The following CCSER1 variants were observed in gnomAD, a reference collection of about 807,000 sequenced individuals.
CCSER1 encodes coiled-coil serine rich protein 1.
A neutral mutation model predicts 82.0 loss-of-function variants in CCSER1; 41 were observed. The ratio of observed to expected loss-of-function variants is 0.50; its 90% CI spans 0.39 to 0.65. The LOEUF (loss-of-function observed/expected upper bound fraction) is 0.65, where lower values mean the gene tolerates loss of function less well. Ranked by LOEUF, CCSER1 falls within the 30% of genes least tolerant of loss-of-function variation. The probability of loss-of-function intolerance (pLI) is 0.00; values close to 1 mark genes in which losing one functional copy is unlikely to be tolerated. For missense variants in CCSER1, 1,119 were observed against 1,064.2 expected, an observed-to-expected ratio of 1.05 and a Z score of -0.72; for synonymous variants, 414 against 383.9, an observed-to-expected ratio of 1.08 and a Z score of -0.92.
chr4:91,494,407 C>G (rs983063101), intron 10 of CCSER1, among the ~76,000 whole-genome samples: 1 of 151,692 alleles, frequency 6.6e-6, no homozygotes, highest in Non-Finnish European at 1.5e-5. Context: ...GTAATACACA[C>G]GTAGTTTCCA....
intron 1 of CCSER1, among the ~76,000 whole-genome samples, chr4:90,159,095 A>G (rs1180783709): frequency 6.6e-6 from 1 of 152,230 alleles, no homozygotes; most frequent in African/African-American, 2.4e-5. Flanking sequence ...GTGTAGTGGT[A>G]CAATCATAGC....
At chr4:90,613,287 G>GTCTA (rs1206547742) in intron 5 of CCSER1, among the ~76,000 whole-genome samples, 1 of 152,154 alleles carries the variant, frequency 6.6e-6, no homozygotes, top group Non-Finnish European at 1.5e-5. Flanking sequence ...AGAGAACTGA[G>GTCTA]ATAGAAGCAG....
chr4:91,339,031 A>G (rs1747520242), intron 10 of CCSER1, among the ~76,000 whole-genome samples: 1 of 152,174 alleles, frequency 6.6e-6, no homozygotes, highest in Admixed American at 6.5e-5. Flanking sequence ...TTTTAAAACT[A>G]TCTTTTTATT....
chr4:91,246,750 A>G (rs1453153566), intron 10 of CCSER1, among the ~76,000 whole-genome samples: 1 of 152,010 alleles, frequency 6.6e-6, no homozygotes, highest in African/African-American at 2.4e-5. Flanking sequence ...AAAATATCTC[A>G]TGTACCCCAT....
chr4:90,861,923 TA>T (rs1433828669), intron 8 of CCSER1, among the ~76,000 whole-genome samples: 2,080 of 107,436 alleles, frequency 0.019, 63 homozygotes, highest in African/African-American at 0.055. Context: ...TATATATATA[TA>T]TATTTTTTTT....
intron 9 of CCSER1, among the ~76,000 whole-genome samples, chr4:91,003,033 C>CGCT (rs1738178429): frequency 6.6e-6 from 1 of 152,092 alleles, no homozygotes; most frequent in African/African-American, 2.4e-5. Flanking sequence ...GATCTAGCCA[C>CGCT]CCAGTAGGTC....
chr4:90,481,011 T>C (rs1765863906), intron 5 of CCSER1, among the ~76,000 whole-genome samples: 1 of 152,146 alleles, frequency 6.6e-6, no homozygotes, highest in Non-Finnish European at 1.5e-5. Flanking sequence ...TATCCATGAG[T>C]ATGGAATGTT....
At chr4:91,581,265 A>C (rs191255103) in intron 10 of CCSER1, among the ~76,000 whole-genome samples, 60 of 151,864 alleles carry the variant, frequency 4.0e-4, no homozygotes, top group Admixed American at 1.2e-3. Flanking sequence ...ATAAGCAAGC[A>C]CCAGTTGCTG....
At position 91,543,641 on chromosome 4, in the gene CCSER1, C is replaced by T. The variant is rs188263878; in HGVS notation, c.2218-54931C>T. 3.0e-3 allele frequency among the ~76,000 whole-genome samples: 461 copies of T among 152,204 alleles called. 1 individual carries two copies. Among genetic ancestry groups the T allele is most frequent in the South Asian group, 0.012 (59 of 4,812 alleles). On this transcript the variant is annotated intron_variant, in intron 10 of 10. Coordinates refer to ENST00000509176, the MANE Select transcript of CCSER1 (RefSeq NM_001145065.2). The stretch of plus-strand genomic sequence containing the variant: ...TTGAATATTGGCCCCCACTCTCTTC[C>T]GGCTTGTAGAGTTTCTACCCAGAGA...
At chr4:91,365,943 A>C (rs1248514836) in intron 10 of CCSER1, among the ~76,000 whole-genome samples, 1 of 152,158 alleles carries the variant, frequency 6.6e-6, no homozygotes, top group Non-Finnish European at 1.5e-5. Flanking sequence ...GAGTACAATA[A>C]ATCTTTATGT....
intron 1 of CCSER1, among the ~76,000 whole-genome samples, chr4:90,158,981 G>A (rs2153364119): frequency 6.6e-6 from 1 of 152,106 alleles, no homozygotes; most frequent in South Asian, 2.1e-4. Flanking sequence ...ACTCACACTG[G>A]GAGCTGTAGA....
chr4:90,426,604 A>C (rs1757560481), intron 4 of CCSER1, among the ~76,000 whole-genome samples: 1 of 152,160 alleles, frequency 6.6e-6, no homozygotes, highest in Admixed American at 6.6e-5. Context: ...TTTCTTAGGA[A>C]TCATGTATAA....
chr4:90,158,181 TA>T (rs200995989), intron 1 of CCSER1, among the ~76,000 whole-genome samples: 42,883 of 152,020 alleles, frequency 0.28, 7,651 homozygotes, highest in East Asian at 0.64. Flanking sequence ...GGTGGCTGCA[TA>T]AACAGCGGAT....
intron 1 of CCSER1, among the ~76,000 whole-genome samples, chr4:90,298,108 G>A (rs1732350917): frequency 6.6e-6 from 1 of 152,084 alleles, no homozygotes; most frequent in Non-Finnish European, 1.5e-5. Context: ...ATTCCACTGT[G>A]AATCCATCTG....
At chr4:90,908,709 TGCA>T (rs1725874134) in intron 8 of CCSER1, among the ~76,000 whole-genome samples, 1 of 152,174 alleles carries the variant, frequency 6.6e-6, no homozygotes, top group Non-Finnish European at 1.5e-5. Flanking sequence ...TTACAGCAGC[TGCA>T]TTTCAGGTGC....
intron 8 of CCSER1, among the ~76,000 whole-genome samples, chr4:90,907,336 A>C (rs1725642219): frequency 6.6e-6 from 1 of 152,080 alleles, no homozygotes; most frequent in Non-Finnish European, 1.5e-5. Flanking sequence ...TGACAAATAG[A>C]ATGTATCTGT....
At chr4:91,114,077 C>T (rs571675677) in intron 10 of CCSER1, among the ~76,000 whole-genome samples, 35 of 152,250 alleles carry the variant, frequency 2.3e-4, no homozygotes, top group African/African-American at 8.2e-4. Context: ...TGGTCTCGAT[C>T]TCCTGACCTC....
In CCSER1 at chr4:90,820,436, G is replaced by A. The variant is rs577581493; in HGVS notation, c.2094+4591G>A. ...CCCATCTCTCTGCTTCCAAGATGGT[G>A]CCTTGAAAGCTGAGGGAAGGAATGC... On this transcript the variant is annotated intron_variant, in intron 8 of 10. Transcript: ENST00000509176. Among the ~76,000 whole-genome samples, 429 of 152,318 alleles carry A rather than the reference G, an allele frequency of 2.8e-3. 3 individuals carry two copies. The highest frequency in any genetic ancestry group is 4.5e-3 in the Non-Finnish European group (307 of 68,022).
intron 10 of CCSER1, among the ~76,000 whole-genome samples, chr4:91,459,264 G>A (rs115175263): frequency 0.013 from 1,914 of 152,080 alleles, 46 homozygotes; most frequent in African/African-American, 0.044. Context: ...AGGCTTAAGA[G>A]GTTATAGAGC....
Sources: allele counts gnomAD v4.1 joint callset (sites outside exome capture counted in the v4.1 genomes callset), GRCh38; gene constraint gnomAD v4.1.1; transcripts MANE v1.5; gene names NCBI Gene and HGNC (gene_info 2026-07-23, HGNC 2026-07-21).